RELN: variants seen among roughly 807,000 people sequenced by gnomAD.
The protein encoded by RELN is reelin.
Under a neutral mutation model 427.6 loss-of-function variants are expected in RELN, and 108 were observed. That is an observed-to-expected ratio of 0.25 (90% CI 0.22 to 0.30). The LOEUF (loss-of-function observed/expected upper bound fraction) is 0.30, where lower values mean the gene tolerates loss of function less well. Ranked by LOEUF, RELN falls within the 10% of genes least tolerant of loss-of-function variation. The pLI is 1.00. For synonymous variants in RELN, 1,524 were observed against 1,513.4 expected, an observed-to-expected ratio of 1.01 and a Z score of -0.16; for missense variants, 3,715 against 4,302.8, an observed-to-expected ratio of 0.86 and a Z score of 3.82.
chr7:103,749,551 A>G (rs374441552), intron 5 of RELN, 47 bp from the exon 6 acceptor site: 14 of 1,342,216 alleles, frequency 1.0e-5, no homozygotes, highest in South Asian at 2.3e-5. Context: ...CTACAACAGT[A>G]CATTTAGCTA....
chr7:103,475,886 A>C (rs1047981139), intron 64 of RELN, among the ~76,000 whole-genome samples: 1 of 148,328 alleles, frequency 6.7e-6, no homozygotes, highest in Non-Finnish European at 1.5e-5. Context: ...CTTTTTTTAA[A>C]TAACATTTTT....
intron 6 of RELN, among the ~76,000 whole-genome samples, chr7:103,736,651 T>C (rs1291608569): frequency 3.9e-5 from 6 of 152,206 alleles, no homozygotes; most frequent in Non-Finnish European, 7.3e-5. Context: ...ATCTTACTAC[T>C]GCACACAATA....
intron 3 of RELN, among the ~76,000 whole-genome samples, chr7:103,802,818 A>G (rs1026338913): frequency 6.6e-6 from 1 of 152,150 alleles, no homozygotes; most frequent in Non-Finnish European, 1.5e-5. Context: ...AAATGTAGAT[A>G]TAAGAATTCC....
At position 103,862,826 on chromosome 7, in the gene RELN, G is replaced by A. The variant is rs534060848; in HGVS notation, c.338-29154C>T. Among the ~76,000 whole-genome samples the A allele has an allele frequency of 2.6e-5, 4 of 152,160 alleles. No individual in the cohort carries two copies. The East Asian group carries it at 7.7e-4, about 29-fold the overall frequency. ...GGTGACAGGAGCAGATGGTCTAAAG[G>A]TTGGTAAAAACACTTGATTTGTTGC... On this transcript the variant is annotated intron_variant, in intron 2 of 64. Coordinates refer to ENST00000428762, the MANE Select transcript of RELN (RefSeq NM_005045.4).
chr7:103,908,837 T>C (rs905529481), intron 2 of RELN, among the ~76,000 whole-genome samples: 7 of 151,966 alleles, frequency 4.6e-5, no homozygotes, highest in African/African-American at 1.5e-4. Context: ...GAGAAATTAA[T>C]GGCAATTTCA....
At chr7:103,689,440 G>A (rs1833828885) in intron 10 of RELN, among the ~76,000 whole-genome samples, 1 of 152,066 alleles carries the variant, frequency 6.6e-6, no homozygotes, top group Non-Finnish European at 1.5e-5. Context: ...TAGCTGAGCA[G>A]ATATAAACAT....
chr7:103,754,475 G>A (rs1791083861), intron 4 of RELN, among the ~76,000 whole-genome samples: 3 of 151,900 alleles, frequency 2.0e-5, no homozygotes, highest in Admixed American at 1.3e-4. Flanking sequence ...CAGAGAGAAT[G>A]TAAGGTATAA....
At chr7:103,851,034 G>A (rs1001943955) in intron 2 of RELN, among the ~76,000 whole-genome samples, 3 of 152,148 alleles carry the variant, frequency 2.0e-5, no homozygotes, top group Non-Finnish European at 4.4e-5. Context: ...TTGCACAGGC[G>A]TATTTATTGC....
chr7:103,524,643 G>A (rs1432407707), intron 46 of RELN, among the ~76,000 whole-genome samples: 3 of 152,172 alleles, frequency 2.0e-5, no homozygotes, highest in Non-Finnish European at 2.9e-5. Context: ...TTAATCATTT[G>A]ACTCAGGAAT....
intron 6 of RELN, among the ~76,000 whole-genome samples, chr7:103,733,203 T>C (rs1790400087): frequency 6.6e-6 from 1 of 152,080 alleles, no homozygotes; most frequent in South Asian, 2.1e-4. Context: ...TCATCATCAC[T>C]GGCCATCAGA....
intron 60 of RELN, 150 bp from the exon 61 acceptor site, chr7:103,486,566 G>C: frequency 1.5e-6 from 1 of 652,988 alleles, no homozygotes; most frequent in Non-Finnish European, 2.6e-6. Context: ...AAAAAAAAAA[G>C]CCAAACAACC....
At chr7:103,710,664 C>T (rs1789771521) in intron 8 of RELN, among the ~76,000 whole-genome samples, 1 of 152,226 alleles carries the variant, frequency 6.6e-6, no homozygotes, top group Non-Finnish European at 1.5e-5. Flanking sequence ...TAAGCATCAA[C>T]TCTGATCTAA....
At chr7:103,900,733 C>G (rs188153835) in intron 2 of RELN, among the ~76,000 whole-genome samples, 53 of 152,136 alleles carry the variant, frequency 3.5e-4, no homozygotes, top group Non-Finnish European at 6.0e-4. Context: ...CACAAACAAG[C>G]AATGGGGAAA....
At position 103,515,429 on chromosome 7, in the gene RELN, G is replaced by C; in HGVS notation, c.7875C>G (p.Ile2625Met). Reference sequence around the variant, plus strand: ...TCTCTTTAGCATCAGGAGGGAGAAGGATATTCACAAATCTATAGGAAAATG... The same window carrying C: ...TCTCTTTAGCATCAGGAGGGAGAAGCATATTCACAAATCTATAGGAAAATG... ...DQYSKPGFVN[I>M]LLPPDAKEIA... The change falls in exon 50 of 65, where the codon ATC becomes ATG. Residue 2625 changes from isoleucine to methionine, a missense_variant. Around this residue, in one of 4 missense-constraint regions of RELN, gnomAD observed 1,310 missense variants for 1,643.0 expected, o/e 0.80. Transcript: ENST00000428762. 6.2e-7 allele frequency: 1 copy of C among 1,614,068 alleles called. No homozygotes were observed. The highest frequency in any genetic ancestry group is 8.5e-7 in the Non-Finnish European group (1 of 1,180,032).
At chr7:103,595,886 C>T (rs897168106) in intron 25 of RELN, among the ~76,000 whole-genome samples, 5 of 151,974 alleles carry the variant, frequency 3.3e-5, no homozygotes, top group Admixed American at 6.6e-5. Context: ...GTATTAAACA[C>T]GAGTCATCTC....
chr7:103,821,027 T>G (rs1793001836), intron 3 of RELN, among the ~76,000 whole-genome samples: 1 of 152,208 alleles, frequency 6.6e-6, no homozygotes, highest in East Asian at 1.9e-4. Context: ...AATACCGAAC[T>G]TTTTAAATAT....
chr7:103,707,866 T>C (rs926798867), intron 8 of RELN, among the ~76,000 whole-genome samples: 12 of 152,204 alleles, frequency 7.9e-5, no homozygotes, highest in African/African-American at 2.9e-4. Flanking sequence ...AAACTATTTC[T>C]AAAGTTACAA....
At chr7:103,820,945 A>G (rs1456004053) in intron 3 of RELN, among the ~76,000 whole-genome samples, 2 of 152,052 alleles carry the variant, frequency 1.3e-5, no homozygotes, top group African/African-American at 2.4e-5. Context: ...AACCTTTACA[A>G]ATGTTTTATT....
At position 103,511,026 on chromosome 7, in the gene RELN, T is replaced by G. The variant is rs73714429; in HGVS notation, c.8120-21A>C. 7.8e-3 allele frequency: 12,533 copies of G among 1,601,666 alleles called. 808 individuals are homozygous for G. In the African/African-American group the frequency reaches 0.15, roughly 19 times the overall value. On this transcript the variant is annotated intron_variant, in intron 50 of 64. Transcript: ENST00000428762. ...ATTCACTTAAAACAAAAAAACAAAA[T>G]TTTATGACAAATTTGTGACAAAAAT...
Sources: allele counts gnomAD v4.1 joint callset (sites outside exome capture counted in the v4.1 genomes callset), GRCh38; gene constraint gnomAD v4.1.1; regional missense constraint gnomAD v4.1.1; transcripts MANE v1.5; gene names NCBI Gene and HGNC (gene_info 2026-07-23, HGNC 2026-07-21).